CSGALNACT1: variants seen among roughly 807,000 people sequenced by gnomAD.
The protein encoded by CSGALNACT1 is beta4GalNAcT-1.
A neutral mutation model predicts 51.0 loss-of-function variants in CSGALNACT1; 52 were observed. The observed-to-expected ratio is 1.02, with a 90% confidence interval of 0.82 to 1.29. The LOEUF (loss-of-function observed/expected upper bound fraction) is 1.29, where lower values mean the gene tolerates loss of function less well. CSGALNACT1 is among the 50% of genes most tolerant of loss of function. The pLI is 0.00. For synonymous variants in CSGALNACT1, 341 were observed against 254.4 expected (o/e 1.34, Z -3.24); for missense variants, 935 against 679.2 (o/e 1.38, Z -4.19).
chr8:19,538,537 G>A (rs1008041618), intron 3 of CSGALNACT1, among the ~76,000 whole-genome samples: 6 of 152,128 alleles, frequency 3.9e-5, no homozygotes, highest in African/African-American at 7.2e-5. Context: ...CATGTCGAAC[G>A]CAGGATTAAA....
chr8:19,667,070 A>G (rs1328379539), intron 1 of CSGALNACT1, among the ~76,000 whole-genome samples: 1 of 128,614 alleles, frequency 7.8e-6, no homozygotes, highest in Non-Finnish European at 1.7e-5. Flanking sequence ...AAAGAAAGAA[A>G]GAAAGAAAGA....
chr8:19,564,642 C>G (rs2041525630), intron 3 of CSGALNACT1, among the ~76,000 whole-genome samples: 1 of 152,164 alleles, frequency 6.6e-6, no homozygotes, highest in Non-Finnish European at 1.5e-5. Flanking sequence ...ACAGCACTCA[C>G]TCCTTTGTGT....
At chr8:19,485,265 C>G (rs2072588299) in intron 4 of CSGALNACT1, among the ~76,000 whole-genome samples, 1 of 152,178 alleles carries the variant, frequency 6.6e-6, no homozygotes, top group Admixed American at 6.5e-5. Flanking sequence ...AGGCTGAAAT[C>G]TACTAAGTCA....
chr8:19,707,628 A>G (rs2062245440), intron 1 of CSGALNACT1, among the ~76,000 whole-genome samples: 1 of 135,392 alleles, frequency 7.4e-6, no homozygotes, highest in Non-Finnish European at 1.6e-5. Flanking sequence ...TACAAGAGCT[A>G]CACGCAATGG....
intron 4 of CSGALNACT1, among the ~76,000 whole-genome samples, chr8:19,471,947 A>C (rs776264305): frequency 6.6e-6 from 1 of 151,988 alleles, no homozygotes; most frequent in Non-Finnish European, 1.5e-5. Context: ...GCTCAAAACA[A>C]CTCCACAGAT....
At chr8:19,428,352 A>G (rs1047535269) in intron 6 of CSGALNACT1, among the ~76,000 whole-genome samples, 2 of 152,164 alleles carry the variant, frequency 1.3e-5, no homozygotes, top group African/African-American at 4.8e-5. Context: ...AAGGCAGAAG[A>G]GGAGCAAAGT....
At chr8:19,564,578 T>C (rs1341785404) in intron 3 of CSGALNACT1, among the ~76,000 whole-genome samples, 1 of 152,132 alleles carries the variant, frequency 6.6e-6, no homozygotes, top group East Asian at 1.9e-4. Flanking sequence ...CATTCTTGCC[T>C]TGGGGACCTG....
chr8:19,422,562 C>T (rs2058112906), intron 6 of CSGALNACT1, among the ~76,000 whole-genome samples: 1 of 152,220 alleles, frequency 6.6e-6, no homozygotes, highest in African/African-American at 2.4e-5. Flanking sequence ...TCTTTCAGAA[C>T]TTTATCTTGA....
At chr8:19,456,905 G>C (rs1439649847) in intron 5 of CSGALNACT1, among the ~76,000 whole-genome samples, 3 of 152,170 alleles carry the variant, frequency 2.0e-5, no homozygotes, top group Non-Finnish European at 4.4e-5. Flanking sequence ...TCAAATATTT[G>C]AAAACTTATG....
intron 1 of CSGALNACT1, among the ~76,000 whole-genome samples, chr8:19,639,674 C>T (rs1368419948): frequency 6.6e-6 from 1 of 152,112 alleles, no homozygotes; most frequent in Non-Finnish European, 1.5e-5. Flanking sequence ...GACAAAGCTT[C>T]CCTCTCTTCT....
chr8:19,558,303 G>C (rs1481385654), intron 3 of CSGALNACT1, among the ~76,000 whole-genome samples: 1 of 152,086 alleles, frequency 6.6e-6, no homozygotes, highest in Non-Finnish European at 1.5e-5. Context: ...AATGTGATTT[G>C]ATTGCCAGTA....
chr8:19,644,359 T>G (rs2154179071), intron 1 of CSGALNACT1, among the ~76,000 whole-genome samples: 1 of 151,518 alleles, frequency 6.6e-6, no homozygotes, highest in Admixed American at 6.6e-5. Flanking sequence ...AATATTAATT[T>G]CTTAATCAGA....
At chr8:19,728,812 A>G (rs2063540323) in intron 1 of CSGALNACT1, among the ~76,000 whole-genome samples, 1 of 152,140 alleles carries the variant, frequency 6.6e-6, no homozygotes, top group Non-Finnish European at 1.5e-5. Flanking sequence ...TGTGGAAAAA[A>G]ATGGTAACCT....
chr8:19,616,217 T>A (rs1482170214), intron 1 of CSGALNACT1, among the ~76,000 whole-genome samples: 2 of 152,188 alleles, frequency 1.3e-5, no homozygotes, highest in Non-Finnish European at 2.9e-5. Flanking sequence ...AGAAATACTC[T>A]GGTTAAATTA....
intron 1 of CSGALNACT1, among the ~76,000 whole-genome samples, chr8:19,637,135 G>A (rs183418889): frequency 6.6e-6 from 1 of 152,326 alleles, no homozygotes; most frequent in Admixed American, 6.5e-5. Context: ...GAACCCAGGA[G>A]GCAGAGGTTG....
chr8:19,660,848 A>G (rs2058688524), intron 1 of CSGALNACT1, among the ~76,000 whole-genome samples: 1 of 152,180 alleles, frequency 6.6e-6, no homozygotes, highest in African/African-American at 2.4e-5. Flanking sequence ...ACATGGGTGT[A>G]CATTCCCAAA....
chr8:19,677,187 C>T (rs111626678), intron 1 of CSGALNACT1, among the ~76,000 whole-genome samples: 2,772 of 152,208 alleles, frequency 0.018, 34 homozygotes, highest in Non-Finnish European at 0.028. Context: ...CTACTCACTG[C>T]AGCCTTGAGT....
chr8:19,585,874 C>T (rs1250594584), intron 3 of CSGALNACT1, among the ~76,000 whole-genome samples: 3 of 152,184 alleles, frequency 2.0e-5, no homozygotes, highest in Non-Finnish European at 2.9e-5. Flanking sequence ...AACAGTGCTG[C>T]CCCTCTTTAC....
intron 3 of CSGALNACT1, among the ~76,000 whole-genome samples, chr8:19,508,966 T>C (rs2077905972): frequency 6.6e-6 from 1 of 152,232 alleles, no homozygotes; most frequent in Non-Finnish European, 1.5e-5. Flanking sequence ...TATTTGGTAT[T>C]CCACTCTTTG....
Sources: allele counts gnomAD v4.1 joint callset (sites outside exome capture counted in the v4.1 genomes callset), GRCh38; gene constraint gnomAD v4.1.1; transcripts MANE v1.5; gene names NCBI Gene and HGNC (gene_info 2026-07-23, HGNC 2026-07-21).